HDAC9: variants seen among roughly 807,000 people sequenced by gnomAD.
The protein encoded by HDAC9 is histone deacetylase 9.
In HDAC9, 41 loss-of-function variants were observed where a neutral mutation model predicts 139.4. That is an observed-to-expected ratio of 0.29 (90% confidence interval 0.23 to 0.38). The LOEUF (loss-of-function observed/expected upper bound fraction) is 0.38, where lower values mean the gene tolerates loss of function less well. Among genes scored for constraint, HDAC9 ranks in the 10% least tolerant of loss-of-function variants. The pLI is 1.00. For synonymous variants in HDAC9, 517 were observed against 476.2 expected, an observed-to-expected ratio of 1.09 and a Z score of -1.12; for missense variants, 1,147 against 1,297.0, an observed-to-expected ratio of 0.88 and a Z score of 1.78.
At chr7:18,207,223 G>A (rs1471727764) in intron 2 of HDAC9, among the ~76,000 whole-genome samples, 2 of 152,100 alleles carry the variant, frequency 1.3e-5, no homozygotes, top group Admixed American at 1.3e-4. Flanking sequence ...ACAGGCATGA[G>A]CCACTGCAAC....
intron 6 of HDAC9, among the ~76,000 whole-genome samples, chr7:18,620,376 A>G (rs1175412165): frequency 6.6e-6 from 1 of 152,086 alleles, no homozygotes; most frequent in Admixed American, 6.6e-5. Context: ...AAGTATTTTT[A>G]TGTTAAAAAT....
Position 18,997,678 on chromosome 7 carries a change from G to C in HDAC9, c.*1616G>C, listed in dbSNP as rs1163164378. 1 of 152,064 alleles carries C rather than the reference G, an allele frequency of 6.6e-6. No homozygotes were observed. The highest frequency in any genetic ancestry group is 1.5e-5 in the Non-Finnish European group (1 of 67,986). The allele number at this position is 152,064 out of a possible 1,614,324, so 9.4% of individuals were successfully genotyped here. ...TGATATGAAAGATATGGAACAATAT[G>C]GTTTTAGTTAGAGAGGACTCTAACC... On this transcript the variant is annotated 3_prime_UTR_variant, in exon 26 of 26. Coordinates refer to ENST00000686413, the MANE Select transcript of HDAC9 (RefSeq NM_178425.4).
intron 12 of HDAC9, among the ~76,000 whole-genome samples, chr7:18,691,075 G>C (rs978100412): frequency 1.3e-5 from 2 of 151,902 alleles, no homozygotes; most frequent in Non-Finnish European, 2.9e-5. Context: ...AATTTTATTT[G>C]CTTTGCAGTA....
intron 1 of HDAC9, among the ~76,000 whole-genome samples, chr7:18,112,535 T>C (rs1024964807): frequency 1.3e-5 from 2 of 152,224 alleles, no homozygotes; most frequent in Admixed American, 1.3e-4. Flanking sequence ...CACTTTCTTC[T>C]TACTTATTAA....
intron 1 of HDAC9, among the ~76,000 whole-genome samples, chr7:18,355,595 A>G (rs930702731): frequency 1.4e-4 from 22 of 152,198 alleles, no homozygotes; most frequent in Non-Finnish European, 4.4e-5. Flanking sequence ...AAGTATACCC[A>G]GAGTGAATTT....
intron 2 of HDAC9, among the ~76,000 whole-genome samples, chr7:18,522,404 A>G (rs189921516): frequency 6.6e-6 from 1 of 152,272 alleles, no homozygotes; most frequent in East Asian, 1.9e-4. Context: ...GGGCCTCCCA[A>G]CAATATGCTA....
At chr7:18,985,348 C>T (rs1304945770) in intron 25 of HDAC9, among the ~76,000 whole-genome samples, 1 of 152,072 alleles carries the variant, frequency 6.6e-6, no homozygotes, top group Non-Finnish European at 1.5e-5. Context: ...CGATAGTTTA[C>T]TGAGAATGAT....
chr7:18,208,372 CTTTTTTTTT>C (rs71553923), intron 2 of HDAC9, among the ~76,000 whole-genome samples: 1 of 130,554 alleles, frequency 7.7e-6, no homozygotes, highest in Admixed American at 8.0e-5. Flanking sequence ...CTGAGAGTAT[CTTTTTTTTT>C]TTTTTTTTTG....
At chr7:18,979,313 G>T (rs1258777661) in intron 25 of HDAC9, among the ~76,000 whole-genome samples, 1 of 151,946 alleles carries the variant, frequency 6.6e-6, no homozygotes, top group African/African-American at 2.4e-5. Context: ...TGAATCTTAA[G>T]ATTTATATAG....
chr7:18,712,968 C>A (rs1456934974), intron 12 of HDAC9, among the ~76,000 whole-genome samples: 1 of 152,102 alleles, frequency 6.6e-6, no homozygotes, highest in African/African-American at 2.4e-5. Flanking sequence ...CCAAATAATA[C>A]CAGACAAGGT....
chr7:18,297,107 C>T lies in HDAC9; in HGVS notation c.-42+6592C>T, dbSNP rs902368870. 2.6e-5 allele frequency among the ~76,000 whole-genome samples: 4 copies of T among 152,114 alleles called. No individual in the cohort carries two copies. In the South Asian group the frequency reaches 6.2e-4, roughly 24 times the overall value. ...TGGAGGTGAAGATTTGAGAAACTTC[C>T]GTGTAGGTACGAGTTGAAGCCACAT... On this transcript the variant is annotated intron_variant, in intron 1 of 3. Coordinates refer to the HDAC9 transcript ENST00000413509.
At chr7:18,308,267 A>G (rs555281746) in intron 1 of HDAC9, among the ~76,000 whole-genome samples, 2 of 152,374 alleles carry the variant, frequency 1.3e-5, no homozygotes, top group African/African-American at 2.4e-5. Context: ...AACCAAGCCT[A>G]CGTAGAATAC....
intron 2 of HDAC9, among the ~76,000 whole-genome samples, chr7:18,273,026 C>T (rs1277282271): frequency 1.4e-5 from 2 of 141,494 alleles, no homozygotes; most frequent in Non-Finnish European, 3.0e-5. Flanking sequence ...CCTCCTCCTC[C>T]TCTTCCTCTT....
intron 1 of HDAC9, among the ~76,000 whole-genome samples, chr7:18,389,213 C>G (rs1466036258): frequency 2.0e-5 from 3 of 152,190 alleles, no homozygotes; most frequent in Non-Finnish European, 4.4e-5. Context: ...GTTACAGTCC[C>G]AATTCATTTC....
chr7:18,931,157 T>A (rs1804706727), intron 22 of HDAC9, among the ~76,000 whole-genome samples: 1 of 152,188 alleles, frequency 6.6e-6, no homozygotes, highest in Non-Finnish European at 1.5e-5. Context: ...CCTATTAGGT[T>A]TTTTACATAA....
At chr7:18,177,323 C>T (rs893926500) in intron 2 of HDAC9, among the ~76,000 whole-genome samples, 4 of 152,180 alleles carry the variant, frequency 2.6e-5, no homozygotes, top group Non-Finnish European at 4.4e-5. Context: ...AGTCTGTTGT[C>T]TATGGTGCGA....
At chr7:18,755,733 G>C (rs967333884) in intron 14 of HDAC9, among the ~76,000 whole-genome samples, 1 of 152,018 alleles carries the variant, frequency 6.6e-6, no homozygotes, top group Non-Finnish European at 1.5e-5. Context: ...ATATATGCTC[G>C]TCACCATTTC....
At chr7:18,285,193 G>A (rs1047487044) in intron 2 of HDAC9, among the ~76,000 whole-genome samples, 1 of 151,890 alleles carries the variant, frequency 6.6e-6, no homozygotes, top group Non-Finnish European at 1.5e-5. Flanking sequence ...TGTATGTTTG[G>A]GTTCTAAGAC....
chr7:18,379,677 G>A (rs1176918560), intron 1 of HDAC9, among the ~76,000 whole-genome samples: 1 of 152,128 alleles, frequency 6.6e-6, no homozygotes, highest in Non-Finnish European at 1.5e-5. Flanking sequence ...CTGTCACAAG[G>A]GCACTGAATT....
Sources: gnomAD v4.1 joint callset for allele counts (sites outside exome capture counted in the v4.1 genomes callset) on GRCh38, gnomAD v4.1.1 for gene constraint, MANE v1.5 for transcripts, NCBI Gene and HGNC (gene_info 2026-07-23, HGNC 2026-07-21) for gene names.